The following MROH9 variants were observed in gnomAD, a reference collection of about 807,000 sequenced individuals.
MROH9 encodes the protein maestro heat like repeat family member 9.
In MROH9, 92 loss-of-function variants were observed where a neutral mutation model predicts 98.2. The observed-to-expected ratio is 0.94, with a 90% CI of 0.79 to 1.11. MROH9 has a LOEUF of 1.11. Among genes scored for constraint, MROH9 ranks in the 50% most tolerant of loss-of-function variants. The probability of loss-of-function intolerance (pLI) is 0.00; values close to 1 mark genes in which losing one functional copy is unlikely to be tolerated. For synonymous variants in MROH9, 397 were observed against 368.9 expected, an observed-to-expected ratio of 1.08 and a Z score of -0.87; for missense variants, 1,057 against 1,014.8, an observed-to-expected ratio of 1.04 and a Z score of -0.57.
intron 3 of MROH9, among the ~76,000 whole-genome samples, chr1:170,950,734 C>T (rs1649518483): frequency 6.6e-6 from 1 of 152,040 alleles, no homozygotes; most frequent in Admixed American, 6.6e-5. Flanking sequence ...AAAGTCCATT[C>T]AAAAACATGC....
intron 20 of MROH9, among the ~76,000 whole-genome samples, chr1:171,046,517 T>C (rs1653477820): frequency 6.6e-6 from 1 of 152,210 alleles, no homozygotes; most frequent in South Asian, 2.1e-4. Context: ...AACCATTATG[T>C]TAACCTGTTA....
intron 1 of MROH9, among the ~76,000 whole-genome samples, chr1:170,935,842 A>C (rs1395132886): frequency 6.6e-6 from 1 of 151,902 alleles, no homozygotes; most frequent in East Asian, 1.9e-4. Context: ...AAATACAAAA[A>C]TTAGCTGGGT....
chr1:171,008,215 T>C (rs1399865884), intron 15 of MROH9, among the ~76,000 whole-genome samples: 1 of 152,202 alleles, frequency 6.6e-6, no homozygotes, highest in Non-Finnish European at 1.5e-5. Context: ...TTGAATTTTA[T>C]TGACTGTATT....
chr1:171,004,572 C>T (rs1292332211), intron 15 of MROH9, among the ~76,000 whole-genome samples: 2 of 152,230 alleles, frequency 1.3e-5, no homozygotes, highest in Non-Finnish European at 2.9e-5. Flanking sequence ...CCCTTTCTCA[C>T]TTCCGCGGTT....
chr1:171,052,201 T>G (rs551493550), intron 20 of MROH9, among the ~76,000 whole-genome samples: 1 of 152,264 alleles, frequency 6.6e-6, no homozygotes, highest in Non-Finnish European at 1.5e-5. Flanking sequence ...TAGTCTCTGA[T>G]GATCTTTTGT....
chr1:171,051,289 G>A (rs1286268664), intron 20 of MROH9, among the ~76,000 whole-genome samples: 2 of 151,956 alleles, frequency 1.3e-5, no homozygotes, highest in Non-Finnish European at 2.9e-5. Flanking sequence ...ACATGCACAG[G>A]TATGATCATT....
intron 15 of MROH9, among the ~76,000 whole-genome samples, chr1:171,003,044 A>G (rs925574606): frequency 2.0e-5 from 3 of 151,994 alleles, no homozygotes; most frequent in East Asian, 1.9e-4. Flanking sequence ...TCTATTGCTG[A>G]GACTTTCCAG....
At chr1:170,958,577 TG>T in intron 4 of MROH9, 37 bp downstream of exon 4, 1 of 1,318,850 alleles carries the variant, frequency 7.6e-7, no homozygotes, top group Non-Finnish European at 1.1e-6. Flanking sequence ...TTTCACTAAT[TG>T]GATGCATTTA....
rs540701538 is a variant in MROH9 at position 171,052,953 on chromosome 1, C to G, written c.2282-9179C>G. On this transcript the variant is annotated intron_variant, in intron 20 of 21. Coordinates refer to ENST00000367759, the MANE Select transcript of MROH9 (RefSeq NM_001163629.2). ...TTCAGGTGAGCAGGAATGGGATTCT[C>G]TCTCCCACTCCTTGGAACTAGTGGG... 1.1e-4 allele frequency among the ~76,000 whole-genome samples: 16 copies of G among 152,226 alleles called. No individual in the cohort carries two copies. The South Asian group carries it at 2.1e-3, about 20-fold the overall frequency.
At chr1:170,977,781 T>C (rs1650769939) in intron 8 of MROH9, among the ~76,000 whole-genome samples, 2 of 152,104 alleles carry the variant, frequency 1.3e-5, no homozygotes, top group Admixed American at 1.3e-4. Flanking sequence ...ACCTCAGCAG[T>C]GAGTGTGGCC....
At chr1:171,036,200 A>G (rs1653093009) in intron 20 of MROH9, among the ~76,000 whole-genome samples, 1 of 152,168 alleles carries the variant, frequency 6.6e-6, no homozygotes, top group Non-Finnish European at 1.5e-5. Context: ...AACTCAGGGT[A>G]GCGTTTACAC....
At chr1:170,945,705 C>CT in intron 2 of MROH9, 124 bp downstream of exon 2, 1 of 796,540 alleles carries the variant, frequency 1.3e-6, no homozygotes, top group Non-Finnish European at 1.9e-6. Context: ...AAGAATGTAC[C>CT]TTTTTTCCCT....
intron 20 of MROH9, among the ~76,000 whole-genome samples, chr1:171,043,360 T>C (rs1653367782): frequency 6.6e-6 from 1 of 152,190 alleles, no homozygotes; most frequent in Non-Finnish European, 1.5e-5. Flanking sequence ...GCCGGTACCA[T>C]GTTGTTTTGG....
At position 171,020,590 on chromosome 1, in the gene MROH9, A is replaced by C. The variant is rs1426040772; in HGVS notation, c.1909-3805A>C. 5.3e-5 allele frequency among the ~76,000 whole-genome samples: 8 copies of C among 151,814 alleles called. No individual in the cohort carries two copies. The East Asian group carries it at 1.6e-3, about 30-fold the overall frequency. On this transcript the variant is annotated intron_variant, in intron 17 of 21. Transcript: ENST00000367759. Reference sequence around the variant, plus strand: ...CCTTCATGTTAAAAACTCTCAATAAACCTGGTATTGTTGGAACATATTTCA... The same window carrying C: ...CCTTCATGTTAAAAACTCTCAATAACCCTGGTATTGTTGGAACATATTTCA...
At chr1:171,012,274 T>C (rs1652179519) in intron 15 of MROH9, among the ~76,000 whole-genome samples, 1 of 152,030 alleles carries the variant, frequency 6.6e-6, no homozygotes, top group African/African-American at 2.4e-5. Flanking sequence ...ATTTTTGAAG[T>C]GCTTTTTAAT....
At chr1:171,036,973 T>C (rs1295327330) in intron 20 of MROH9, among the ~76,000 whole-genome samples, 1 of 151,758 alleles carries the variant, frequency 6.6e-6, no homozygotes, top group Non-Finnish European at 1.5e-5. Flanking sequence ...TACTAGTTTA[T>C]CTAGAAGGAG....
intron 10 of MROH9, among the ~76,000 whole-genome samples, chr1:170,988,667 G>C (rs1266254991): frequency 6.6e-6 from 1 of 152,156 alleles, no homozygotes; most frequent in Non-Finnish European, 1.5e-5. Context: ...CTTAGATGGG[G>C]TTAGGTTCTA....
chr1:171,042,760 A>G (rs1653347275), intron 20 of MROH9, among the ~76,000 whole-genome samples: 1 of 151,960 alleles, frequency 6.6e-6, no homozygotes, highest in Admixed American at 6.6e-5. Flanking sequence ...CTTTTCATAT[A>G]CCTGTTTGCC....
chr1:171,020,230 T>C (rs1006663929), intron 17 of MROH9, among the ~76,000 whole-genome samples: 5 of 152,174 alleles, frequency 3.3e-5, no homozygotes, highest in African/African-American at 9.7e-5. Context: ...TTCCAAACAA[T>C]TGAAAAGGAG....
Sources: gnomAD v4.1 joint callset for allele counts (sites outside exome capture counted in the v4.1 genomes callset) on GRCh38, gnomAD v4.1.1 for gene constraint, MANE v1.5 for transcripts, NCBI Gene and HGNC (gene_info 2026-07-23, HGNC 2026-07-21) for gene names.